The following PTPRN2 variants were observed in gnomAD, a reference collection of about 807,000 sequenced individuals.
The protein encoded by PTPRN2 is receptor-type tyrosine-protein phosphatase N2.
Under a neutral mutation model 118.8 loss-of-function variants are expected in PTPRN2, and 74 were observed. That is an observed-to-expected ratio of 0.62 (90% CI 0.52 to 0.76). The LOEUF is 0.76. Among genes scored for constraint, PTPRN2 ranks in the 30% least tolerant of loss-of-function variants. The pLI, the probability that PTPRN2 is intolerant of heterozygous loss-of-function variation, is 0.00. For missense variants in PTPRN2, 1,481 were observed against 1,394.4 expected (o/e 1.06, Z -0.99); for synonymous variants, 641 against 608.0 (o/e 1.05, Z -0.80).
At chr7:158,201,074 C>A (rs1341372471) in intron 4 of PTPRN2, among the ~76,000 whole-genome samples, 1 of 144,294 alleles carries the variant, frequency 6.9e-6, no homozygotes, top group African/African-American at 2.7e-5. Context: ...TTTTTTGAGA[C>A]AGGGTCTCAC....
rs1201027043 is a variant in PTPRN2, at chr7:157,603,346, C to T, written c.2418+656G>A. On this transcript the variant is annotated intron_variant, in intron 16 of 22. Coordinates refer to ENST00000389418, the MANE Select transcript of PTPRN2 (RefSeq NM_002847.5). The surrounding 1 kb of genome is among the most constrained non-coding windows in gnomAD (Gnocchi z 5.4). The stretch of plus-strand genomic sequence containing the variant: ...GCCCAGAGTTAAATAGGGTGAGAGC[C>T]GCGTCTAGCATGGGCTGAGAGGAGC... 2.0e-5 allele frequency among the ~76,000 whole-genome samples: 3 copies of T among 152,148 alleles called. No homozygotes were observed. The highest frequency in any genetic ancestry group is 4.4e-5 in the Non-Finnish European group (3 of 68,038).
chr7:157,615,837 G>C lies in PTPRN2; in HGVS notation c.2344+5525C>G, dbSNP rs1263577463. On this transcript the variant is annotated intron_variant, in intron 15 of 22. Transcript: ENST00000389418. The surrounding 1 kb of genome is among the most constrained non-coding windows in gnomAD (Gnocchi z 4.3). The stretch of plus-strand genomic sequence containing the variant: ...CACCAACGGGGGGTGGGGGGTGCGC[G>C]AGGCCCTGGGCTCCACCGAAGACCT... 2.8e-6 allele frequency: 1 copy of C among 357,682 alleles called. No homozygotes were observed. Among genetic ancestry groups the C allele is most frequent in the East Asian group, 7.4e-5 (1 of 13,530 alleles). 22.2% of individuals were successfully genotyped at this position (357,682 alleles called of 1,614,324 possible). A position where few individuals can be genotyped will look rare whatever the true frequency, so the allele number is the denominator to read the frequency against.
chr7:158,391,810 G>T (rs890822073), intron 2 of PTPRN2, among the ~76,000 whole-genome samples: 2 of 152,220 alleles, frequency 1.3e-5, no homozygotes, highest in Admixed American at 6.5e-5. Flanking sequence ...GAGGAAAGGA[G>T]CTGCACCCCC....
intron 8 of PTPRN2, among the ~76,000 whole-genome samples, chr7:158,135,166 T>G (rs10231602): frequency 0.34 from 51,467 of 152,098 alleles, 8,952 homozygotes; most frequent in East Asian, 0.5. Flanking sequence ...ATATTAGATG[T>G]AAACAGGAAA....
intron 2 of PTPRN2, among the ~76,000 whole-genome samples, chr7:158,342,180 C>T (rs12673574): frequency 0.73 from 77,114 of 106,306 alleles, 25,650 homozygotes; most frequent in South Asian, 0.82. Flanking sequence ...CCATAAGAGC[C>T]GACGCCCACA....
Position 157,787,433 on chromosome 7 carries a change from G to C in PTPRN2, c.1789-104496C>G, listed in dbSNP as rs1366170907. On this transcript the variant is annotated intron_variant, in intron 12 of 22. Transcript: ENST00000389418. This position sits in a 1 kb window ranked among gnomAD's most constrained non-coding sequence, Gnocchi z 5.3. ...GCGCAGCAGCCGGTGGGCCTGGGGG[G>C]CGCGTGGACTCCCAGCTGTTGCTGT... Among the ~76,000 whole-genome samples the C allele has an allele frequency of 6.6e-6, 1 of 152,022 alleles. No individual in the cohort carries two copies. Among genetic ancestry groups the C allele is most frequent in the Non-Finnish European group, 1.5e-5 (1 of 67,984 alleles).
rs1823022564 is a variant in PTPRN2, at chr7:158,509,485, AC to A, written c.113-19701del. Among the ~76,000 whole-genome samples, 1 of 152,204 alleles carries A rather than the reference AC, an allele frequency of 6.6e-6. No individual in the cohort carries two copies. Among genetic ancestry groups the A allele is most frequent in the Non-Finnish European group, 1.5e-5 (1 of 68,024 alleles). On this transcript the variant is annotated intron_variant, in intron 1 of 22. Coordinates refer to ENST00000389418, the MANE Select transcript of PTPRN2 (RefSeq NM_002847.5). This position sits in a 1 kb window ranked among gnomAD's most constrained non-coding sequence, Gnocchi z 4.4. Reference sequence around the variant, plus strand: ...AGTCTGCCATTCAGGCCACACTGGGACTTGGTGTCCAGTCCTCATCTCTTCT... The same window carrying A: ...AGTCTGCCATTCAGGCCACACTGGGATTGGTGTCCAGTCCTCATCTCTTCT...
intron 11 of PTPRN2, among the ~76,000 whole-genome samples, chr7:157,984,229 C>G (rs1258843915): frequency 1.3e-5 from 2 of 151,172 alleles, no homozygotes; most frequent in African/African-American, 4.9e-5. Context: ...CTGAAACCAC[C>G]GCCCCACGCC....
chr7:157,898,775 G>T, intron 11 of PTPRN2, 38 bp from the exon 12 acceptor site: 1 of 1,534,750 alleles, frequency 6.5e-7, no homozygotes, highest in South Asian at 1.1e-5. Flanking sequence ...AGTCAGGTTG[G>T]AGAGGTCCTC....
intron 12 of PTPRN2, among the ~76,000 whole-genome samples, chr7:157,880,872 C>T (rs1796070958): frequency 6.6e-6 from 1 of 152,202 alleles, no homozygotes; most frequent in South Asian, 2.1e-4. Flanking sequence ...ATGTATTCCT[C>T]TGAAGCTAGC....
chr7:158,358,661 C>A (rs1808580937), intron 2 of PTPRN2, among the ~76,000 whole-genome samples: 1 of 152,218 alleles, frequency 6.6e-6, no homozygotes, highest in South Asian at 2.1e-4. Flanking sequence ...TCCACACCTG[C>A]ACCAGCCCTG....
chr7:157,540,573 T>C lies in PTPRN2; in HGVS notation c.*141A>G. 1 of 557,674 alleles carries C rather than the reference T, an allele frequency of 1.8e-6. No homozygotes were observed. Among genetic ancestry groups the C allele is most frequent in the Non-Finnish European group, 3.0e-6 (1 of 337,518 alleles). The allele number at this position is 557,674 out of a possible 1,614,324, so 34.5% of individuals were successfully genotyped here. On this transcript the variant is annotated 3_prime_UTR_variant, in exon 23 of 23. Coordinates refer to ENST00000389418, the MANE Select transcript of PTPRN2 (RefSeq NM_002847.5). ...GATTAAACAAAAATACACTTTTAACTGCTAAACTGCGCTGACTACGGGAGA... is the reference window on the plus strand; with the variant it reads ...GATTAAACAAAAATACACTTTTAACCGCTAAACTGCGCTGACTACGGGAGA...
intron 13 of PTPRN2, among the ~76,000 whole-genome samples, chr7:157,658,732 T>A (rs1055735227): frequency 1.3e-5 from 2 of 152,242 alleles, no homozygotes; most frequent in African/African-American, 4.8e-5. Flanking sequence ...GATGAAAATA[T>A]ACCTGTACCC....
At chr7:158,248,387 G>C (rs1358881066) in intron 3 of PTPRN2, among the ~76,000 whole-genome samples, 1 of 152,178 alleles carries the variant, frequency 6.6e-6, no homozygotes, top group African/African-American at 2.4e-5. Flanking sequence ...GCCCTCCCAA[G>C]GGGCAGCCAG....
intron 3 of PTPRN2, among the ~76,000 whole-genome samples, chr7:158,283,588 C>T (rs971773987): frequency 7.2e-5 from 11 of 152,150 alleles, no homozygotes; most frequent in Admixed American, 6.5e-5. Flanking sequence ...TGTGGCCACC[C>T]GCCGGGGTCA....
rs573659802 is a variant in PTPRN2, at chr7:158,033,164, C to A, written c.1723+48134G>T. 6.4e-5 allele frequency among the ~76,000 whole-genome samples: 5 copies of A among 77,814 alleles called. No homozygotes were observed. The East Asian group carries it at 1.6e-3, about 25-fold the overall frequency. 51.0% of individuals were successfully genotyped at this position (77,814 alleles called of 152,430 possible). On this transcript the variant is annotated intron_variant, in intron 11 of 22. Transcript: ENST00000389418. ...GCAGTGGCCACCAAGCCTGACAGAGCCATTGGGGGCCACGAATAAAGCCTT... is the reference window on the plus strand; with the variant it reads ...GCAGTGGCCACCAAGCCTGACAGAGACATTGGGGGCCACGAATAAAGCCTT...
chr7:157,613,934 A>T (rs534888684), intron 15 of PTPRN2: 77 of 443,696 alleles, frequency 1.7e-4, no homozygotes, highest in Non-Finnish European at 2.7e-4. Context: ...TACAGGCCAC[A>T]TGGCCAGGGG....
chr7:158,262,787 A>C (rs536366708), intron 3 of PTPRN2, among the ~76,000 whole-genome samples: 78 of 149,632 alleles, frequency 5.2e-4, no homozygotes, highest in African/African-American at 1.8e-3. Flanking sequence ...CACACTACAC[A>C]CATACACATT....
At chr7:157,666,164 T>C (rs1796128858) in intron 13 of PTPRN2, among the ~76,000 whole-genome samples, 1 of 150,688 alleles carries the variant, frequency 6.6e-6, no homozygotes, top group South Asian at 2.1e-4. Context: ...AAATTCCAGG[T>C]ACAAAGGGGA....
Sources: allele counts gnomAD v4.1 joint callset (sites outside exome capture counted in the v4.1 genomes callset), GRCh38; gene constraint gnomAD v4.1.1; non-coding constraint Gnocchi (gnomAD v3.1); transcripts MANE v1.5; gene names NCBI Gene and HGNC (gene_info 2026-07-23, HGNC 2026-07-21).